The following SDK1 variants were observed in gnomAD, a reference collection of about 807,000 sequenced individuals.
The protein encoded by SDK1 is protein sidekick-1.
A neutral mutation model predicts 245.5 loss-of-function variants in SDK1; 157 were observed. The ratio of observed to expected loss-of-function variants is 0.64; its 90% CI spans 0.56 to 0.73. The LOEUF is 0.73. SDK1 is among the 30% of genes least tolerant of loss of function. The pLI, the probability that SDK1 is intolerant of heterozygous loss-of-function variation, is 0.00. For missense variants in SDK1, 3,583 were observed against 3,002.3 expected (o/e 1.19, Z -4.52); for synonymous variants, 1,647 against 1,278.5 (o/e 1.29, Z -6.15).
At chr7:3,365,806 G>T (rs997171563) in intron 1 of SDK1, among the ~76,000 whole-genome samples, 1 of 116,336 alleles carries the variant, frequency 8.6e-6, no homozygotes, top group Admixed American at 9.3e-5. Flanking sequence ...GCCGAGGTGG[G>T]TGTATCACCT....
At chr7:4,142,076 A>G (rs546562748) in intron 28 of SDK1, among the ~76,000 whole-genome samples, 1 of 152,084 alleles carries the variant, frequency 6.6e-6, no homozygotes, top group African/African-American at 2.4e-5. Flanking sequence ...GTTTTTTCAC[A>G]CGGTGAAGAA....
At chr7:4,164,946 A>G (rs1455149329) in intron 32 of SDK1, among the ~76,000 whole-genome samples, 2 of 152,258 alleles carry the variant, frequency 1.3e-5, no homozygotes, top group Non-Finnish European at 2.9e-5. Context: ...TAAAATTATG[A>G]GTAATTTACT....
At chr7:3,372,311 C>T (rs1220638063) in intron 1 of SDK1, among the ~76,000 whole-genome samples, 18 of 152,172 alleles carry the variant, frequency 1.2e-4, no homozygotes. Flanking sequence ...TCCAACACAA[C>T]TGATCAGGAA....
intron 5 of SDK1, 56 bp from the exon 6 acceptor site, chr7:3,950,867 C>CGG: frequency 7.5e-7 from 1 of 1,330,224 alleles, no homozygotes. Flanking sequence ...CAGATAACGG[C>CGG]GGGGGGTGCT....
chr7:4,003,002 C>T (rs893367916), intron 14 of SDK1, among the ~76,000 whole-genome samples: 1 of 152,224 alleles, frequency 6.6e-6, no homozygotes, highest in Non-Finnish European at 1.5e-5. Context: ...GCTACTGCTC[C>T]ACCCCATGGG....
At chr7:3,711,221 C>T (rs2115018395) in intron 4 of SDK1, among the ~76,000 whole-genome samples, 1 of 152,316 alleles carries the variant, frequency 6.6e-6, no homozygotes, top group South Asian at 2.1e-4. Context: ...CAGATCTCTT[C>T]TTCTCTTTAA....
Position 4,025,459 on chromosome 7 carries a change from C to G in SDK1, c.2602+8107C>G, listed in dbSNP as rs368124494. Among the ~76,000 whole-genome samples, 9 of 152,294 alleles carry G rather than the reference C, an allele frequency of 5.9e-5. 1 individual carries two copies. The highest frequency in any genetic ancestry group is 2.2e-4 in the African/African-American group (9 of 41,562). Reference sequence around the variant, plus strand: ...GCATCTGTATCGGTGCAGATCACCTCTGTGCACACAGAGAAGGGGTTCCTG... The same window carrying G: ...GCATCTGTATCGGTGCAGATCACCTGTGTGCACACAGAGAAGGGGTTCCTG... On this transcript the variant is annotated intron_variant, in intron 17 of 44. Coordinates refer to ENST00000404826, the MANE Select transcript of SDK1 (RefSeq NM_152744.4).
At chr7:3,576,568 G>C (rs1780299016) in intron 1 of SDK1, among the ~76,000 whole-genome samples, 1 of 152,032 alleles carries the variant, frequency 6.6e-6, no homozygotes, top group African/African-American at 2.4e-5. Flanking sequence ...TTTTTTGGTT[G>C]TACTTTAGTA....
At chr7:3,381,963 G>A (rs1248785618) in intron 1 of SDK1, among the ~76,000 whole-genome samples, 3 of 152,096 alleles carry the variant, frequency 2.0e-5, no homozygotes, top group African/African-American at 4.8e-5. Context: ...ATGCACAAAA[G>A]CAGTTAAAAC....
intron 28 of SDK1, 139 bp downstream of exon 28, chr7:4,132,562 G>GA (rs1562859382): frequency 1.6e-6 from 1 of 607,304 alleles, no homozygotes; most frequent in Non-Finnish European, 3.0e-6. Flanking sequence ...TCTCTCCAAA[G>GA]AAAAAATTCA....
chr7:3,310,857 T>C (rs1431969049), intron 1 of SDK1, among the ~76,000 whole-genome samples: 1 of 152,220 alleles, frequency 6.6e-6, no homozygotes, highest in East Asian at 1.9e-4. Flanking sequence ...TCTTCATTAA[T>C]CTTGACTTTT....
intron 1 of SDK1, among the ~76,000 whole-genome samples, chr7:3,535,419 A>G (rs1219499555): frequency 6.6e-6 from 1 of 152,130 alleles, no homozygotes; most frequent in Non-Finnish European, 1.5e-5. Flanking sequence ...TCTTATCCCT[A>G]ATGCCAACAA....
At chr7:4,098,064 C>G (rs1161811848) in intron 22 of SDK1, among the ~76,000 whole-genome samples, 1 of 152,174 alleles carries the variant, frequency 6.6e-6, no homozygotes, top group Non-Finnish European at 1.5e-5. Flanking sequence ...GCTCGACTGT[C>G]CATAATAACA....
At chr7:3,979,051 C>T (rs1783192611) in intron 13 of SDK1, among the ~76,000 whole-genome samples, 1 of 152,206 alleles carries the variant, frequency 6.6e-6, no homozygotes, top group Non-Finnish European at 1.5e-5. Flanking sequence ...CACAGCAGTC[C>T]TGATGGGGCT....
intron 1 of SDK1, among the ~76,000 whole-genome samples, chr7:3,381,916 G>C (rs192351120): frequency 1.3e-5 from 2 of 152,200 alleles, no homozygotes; most frequent in Admixed American, 6.5e-5. Flanking sequence ...ATTTTTGAAT[G>C]ATACCTACTA....
chr7:3,321,378 G>C (rs1447491159), intron 1 of SDK1, among the ~76,000 whole-genome samples: 2 of 152,128 alleles, frequency 1.3e-5, no homozygotes, highest in African/African-American at 4.8e-5. Flanking sequence ...AGCCTTGTGA[G>C]CTGCGAACTT....
chr7:4,065,194 G>T (rs939345380), intron 19 of SDK1, among the ~76,000 whole-genome samples: 1 of 152,154 alleles, frequency 6.6e-6, no homozygotes, highest in Non-Finnish European at 1.5e-5. Flanking sequence ...CAAGTATTAT[G>T]TATCAATAAA....
chr7:3,489,055 G>C (rs958924040), intron 1 of SDK1, among the ~76,000 whole-genome samples: 2 of 152,086 alleles, frequency 1.3e-5, no homozygotes, highest in Admixed American at 1.3e-4. Context: ...GTGCAATGTT[G>C]ATTCATGGCT....
intron 5 of SDK1, among the ~76,000 whole-genome samples, chr7:3,883,233 T>G (rs757825568): frequency 6.6e-6 from 1 of 152,188 alleles, no homozygotes; most frequent in Admixed American, 6.5e-5. Flanking sequence ...GTTTTCTGCA[T>G]TGGGGTTCTC....
Sources: gnomAD v4.1 joint callset for allele counts (sites outside exome capture counted in the v4.1 genomes callset) on GRCh38, gnomAD v4.1.1 for gene constraint, MANE v1.5 for transcripts, NCBI Gene and HGNC (gene_info 2026-07-23, HGNC 2026-07-21) for gene names.